Variants in EML4 observed in about 807,000 individuals in gnomAD.
EML4 encodes the protein EMAP like 4.
In EML4, 72 loss-of-function variants were observed where a neutral mutation model predicts 129.0. That is an observed-to-expected ratio of 0.56 (90% CI 0.46 to 0.68). The LOEUF is 0.68. EML4 is among the 30% of genes least tolerant of loss of function. EML4 has a pLI of 0.00. For missense variants in EML4, 1,363 were observed against 1,190.6 expected (o/e 1.14, Z -2.13); for synonymous variants, 532 against 405.0 (o/e 1.31, Z -3.77).
At chr2:42,297,718 A>T (rs1375587817) in intron 13 of EML4, among the ~76,000 whole-genome samples, 4 of 152,152 alleles carry the variant, frequency 2.6e-5, no homozygotes, top group African/African-American at 7.2e-5. Flanking sequence ...CCCAACTATG[A>T]CATTTCTGCA....
chr2:42,169,915 G>GC (rs1490151871), intron 1 of EML4: 2 of 372,392 alleles, frequency 5.4e-6, no homozygotes, highest in African/African-American at 2.1e-5. Flanking sequence ...TCCTTCTCAG[G>GC]CCCCCCGATA....
chr2:42,323,274 A>G (rs1263404473), intron 19 of EML4, among the ~76,000 whole-genome samples: 4 of 152,218 alleles, frequency 2.6e-5, no homozygotes, highest in Non-Finnish European at 1.5e-5. Context: ...CATGTGCACT[A>G]TGAAAAGGAT....
rs749020815 is a variant in EML4 at position 42,303,079 on chromosome 2, G to GT, written c.1642-25_1642-24insT. On this transcript the variant is annotated intron_variant, in intron 14 of 22. Coordinates refer to ENST00000318522, the MANE Select transcript of EML4 (RefSeq NM_019063.5). ...AATTAATGCATATTAGTATGTATATGGTGACTTTACACTTTTTTTTCTAGG... is the reference window on the plus strand; with the variant it reads ...AATTAATGCATATTAGTATGTATATGTGTGACTTTACACTTTTTTTTCTAGG... 9.3e-6 allele frequency: 15 copies of GT among 1,611,464 alleles called. 1 individual carries two copies. In the Admixed American group the frequency reaches 2.5e-4, roughly 27 times the overall value.
At position 42,256,509 on chromosome 2, in the gene EML4, A is replaced by T. The variant is rs772732727; in HGVS notation, c.217A>T (p.Ser73Cys). ...KKSVSSKGQP[S>C]PRAVIPMSCI... ...TCCTTAATTATCTTTAGGCCAACCA[A>T]GCCCTCGAGCAGTTATTCCCATGTC... The change falls in exon 3 of 23, where the codon AGC becomes TGC. Residue 73 changes from serine (S) to cysteine (C), a missense_variant. By Grantham distance (112) the Ser-to-Cys change is moderately radical (BLOSUM62 -1). Coordinates refer to ENST00000318522, the MANE Select transcript of EML4 (RefSeq NM_019063.5). 8 of 1,598,914 alleles carry T rather than the reference A, an allele frequency of 5.0e-6. No homozygotes were observed. The East Asian group carries it at 6.7e-5, about 13-fold the overall frequency.
intron 6 of EML4, among the ~76,000 whole-genome samples, chr2:42,270,559 C>G (rs1026026740): frequency 2.6e-5 from 4 of 152,164 alleles, no homozygotes; most frequent in African/African-American, 4.8e-5. Context: ...AAAATCTGTT[C>G]ACACCTGTGC....
intron 1 of EML4, among the ~76,000 whole-genome samples, chr2:42,196,592 C>A (rs1426630701): frequency 6.6e-6 from 1 of 152,192 alleles, no homozygotes; most frequent in Admixed American, 6.5e-5. Flanking sequence ...AATCTGGCAG[C>A]TGGCGAGAAG....
chr2:42,322,065 A>G (rs1669554964), intron 19 of EML4, among the ~76,000 whole-genome samples: 1 of 152,232 alleles, frequency 6.6e-6, no homozygotes, highest in South Asian at 2.1e-4. Flanking sequence ...GAAATTTTCC[A>G]CGTATCACAG....
intron 10 of EML4, among the ~76,000 whole-genome samples, chr2:42,286,637 T>C (rs1667323387): frequency 6.6e-6 from 1 of 152,226 alleles, no homozygotes; most frequent in African/African-American, 2.4e-5. Context: ...AGAGCTCCCA[T>C]GTAGTAGCAG....
At chr2:42,215,241 G>A (rs1373293391) in intron 1 of EML4, among the ~76,000 whole-genome samples, 3 of 152,032 alleles carry the variant, frequency 2.0e-5, no homozygotes, top group African/African-American at 7.2e-5. Flanking sequence ...TATATTTTTT[G>A]TTGAGATGAG....
Position 42,236,671 on chromosome 2 carries a change from A to T in EML4, c.26-8834A>T, listed in dbSNP as rs573178223. ...GACTCCTACTTTAGGTTAGGGTAAC[A>T]CAGTGGAATTGCTGGGTCATAGGAT... On this transcript the variant is annotated intron_variant, in intron 1 of 22. Coordinates refer to ENST00000318522, the MANE Select transcript of EML4 (RefSeq NM_019063.5). Among the ~76,000 whole-genome samples, 388 of 152,306 alleles carry T rather than the reference A, an allele frequency of 2.5e-3. 2 individuals carry two copies. The highest frequency in any genetic ancestry group is 3.9e-3 in the South Asian group (19 of 4,822).
chr2:42,286,801 G>C (rs527291801), intron 10 of EML4, among the ~76,000 whole-genome samples: 1 of 152,280 alleles, frequency 6.6e-6, no homozygotes, highest in East Asian at 1.9e-4. Context: ...GGCTTTTCTT[G>C]ATGTCATATT....
At chr2:42,285,012 G>C (rs752076195) in intron 9 of EML4, among the ~76,000 whole-genome samples, 2 of 151,950 alleles carry the variant, frequency 1.3e-5, no homozygotes, top group African/African-American at 4.8e-5. Flanking sequence ...CAGTGTCTGC[G>C]GGAAGGTACT....
intron 1 of EML4, among the ~76,000 whole-genome samples, chr2:42,181,361 C>T (rs1297277235): frequency 6.6e-5 from 10 of 152,054 alleles, no homozygotes; most frequent in African/African-American, 1.4e-4. Context: ...TGCAGTGGTG[C>T]GATCACGGCT....
rs1484219762 is a variant in EML4, at chr2:42,210,139, G to T, written c.26-35366G>T. Among the ~76,000 whole-genome samples the T allele has an allele frequency of 1.3e-5, 2 of 152,044 alleles. 1 individual carries two copies. The highest frequency in any genetic ancestry group is 2.9e-5 in the Non-Finnish European group (2 of 68,022). On this transcript the variant is annotated intron_variant, in intron 1 of 22. Coordinates refer to ENST00000318522, the MANE Select transcript of EML4 (RefSeq NM_019063.5). ...TTAACTAAAATCCATAGTTTATTAAGATTTACTTAGTTTTTACCTAGTGCC... is the reference window on the plus strand; with the variant it reads ...TTAACTAAAATCCATAGTTTATTAATATTTACTTAGTTTTTACCTAGTGCC...
At chr2:42,317,623 A>C in intron 19 of EML4, 99 bp downstream of exon 19, 1 of 748,902 alleles carries the variant, frequency 1.3e-6, no homozygotes, top group Non-Finnish European at 2.2e-6. Flanking sequence ...TCCTGTCGTT[A>C]GCTGCTTTAA....
intron 14 of EML4, 128 bp from the exon 15 acceptor site, chr2:42,302,976 A>G (rs1668375695): frequency 1.3e-6 from 1 of 759,462 alleles, no homozygotes; most frequent in African/African-American, 1.8e-5. Context: ...GTAGTATGAG[A>G]TTACCATATC....
chr2:42,277,832 G>T (rs1331390947), intron 6 of EML4, among the ~76,000 whole-genome samples: 1 of 152,168 alleles, frequency 6.6e-6, no homozygotes, highest in Non-Finnish European at 1.5e-5. Context: ...CTCCCAAAGT[G>T]CTGGGATTAC....
At chr2:42,227,122 T>C (rs1033717095) in intron 1 of EML4, among the ~76,000 whole-genome samples, 24 of 152,228 alleles carry the variant, frequency 1.6e-4, no homozygotes, top group Non-Finnish European at 2.9e-4. Flanking sequence ...TCTTTTTTTT[T>C]CCCCTTGAGG....
rs1168228897 is a variant in EML4 at position 42,332,458 on chromosome 2, T to C, written c.*2251T>C. 5 of 197,212 alleles carry C rather than the reference T, an allele frequency of 2.5e-5. No individual in the cohort carries two copies. Among genetic ancestry groups the C allele is most frequent in the Non-Finnish European group, 5.3e-5 (5 of 94,942 alleles). The allele number at this position is 197,212 out of a possible 1,614,324, so 12.2% of individuals were successfully genotyped here. A position where few individuals can be genotyped will look rare whatever the true frequency, so the allele number is the denominator to read the frequency against. ...TGAATCCAAGTGTTTCATGTGAAGATGTTGAGCCATTGCTATCATGCATTC... is the reference window on the plus strand; with the variant it reads ...TGAATCCAAGTGTTTCATGTGAAGACGTTGAGCCATTGCTATCATGCATTC... On this transcript the variant is annotated 3_prime_UTR_variant, in exon 23 of 23. Transcript: ENST00000318522.
Sources: allele counts gnomAD v4.1 joint callset (sites outside exome capture counted in the v4.1 genomes callset), GRCh38; gene constraint gnomAD v4.1.1; transcripts MANE v1.5; gene names NCBI Gene and HGNC (gene_info 2026-07-23, HGNC 2026-07-21).